The following RASGRP3 variants were observed in gnomAD, a reference collection of about 807,000 sequenced individuals.
RASGRP3 encodes the protein ras guanyl-releasing protein 3.
In RASGRP3, 54 loss-of-function variants were observed where a neutral mutation model predicts 82.7. The ratio of observed to expected loss-of-function variants is 0.65; its 90% CI spans 0.52 to 0.82. The LOEUF (loss-of-function observed/expected upper bound fraction) is 0.82, where lower values mean the gene tolerates loss of function less well. Among genes scored for constraint, RASGRP3 ranks in the 40% least tolerant of loss-of-function variants. The pLI, the probability that RASGRP3 is intolerant of heterozygous loss-of-function variation, is 0.00. For synonymous variants in RASGRP3, 309 were observed against 300.5 expected, an observed-to-expected ratio of 1.03 and a Z score of -0.29; for missense variants, 861 against 828.9, an observed-to-expected ratio of 1.04 and a Z score of -0.48.
Position 33,477,612 on chromosome 2 carries a change from G to A in RASGRP3, c.-261+905G>A, listed in dbSNP as rs2367735. On this transcript the variant is annotated intron_variant, in intron 1 of 17. Coordinates refer to ENST00000403687, the MANE Select transcript of RASGRP3 (RefSeq NM_001139488.2). ...TTCATTCAGCAGTAATGGTGCTTGC[G>A]CTTGGGCGAGCAGCAAAGCAGGCAC... 9.1e-3 allele frequency among the ~76,000 whole-genome samples: 1,380 copies of A among 152,138 alleles called. 22 individuals are homozygous for A. The highest frequency in any genetic ancestry group is 0.031 in the African/African-American group (1,302 of 41,504).
At chr2:33,523,445 T>A (rs1364464329) in intron 7 of RASGRP3, among the ~76,000 whole-genome samples, 1 of 142,600 alleles carries the variant, frequency 7.0e-6, no homozygotes, top group East Asian at 2.0e-4. Context: ...AGCCTGGCAA[T>A]AGAGCGACAG....
chr2:33,493,237 G>A (rs1669012747), intron 1 of RASGRP3: 1 of 152,226 alleles, frequency 6.6e-6, no homozygotes, highest in Non-Finnish European at 1.5e-5. Flanking sequence ...AATGTGGGAA[G>A]CATTTGCTCC....
chr2:33,452,158 C>A (rs1055071645), intron 2 of RASGRP3, among the ~76,000 whole-genome samples: 1 of 152,066 alleles, frequency 6.6e-6, no homozygotes, highest in Non-Finnish European at 1.5e-5. Flanking sequence ...TATCTGTATT[C>A]TCTTATAGCT....
Position 33,465,758 on chromosome 2 carries a change from G to A in RASGRP3, c.-261+17815G>A, listed in dbSNP as rs76219465. On this transcript the variant is annotated intron_variant, in intron 2 of 18. Transcript: ENST00000402538. ...TCTGGCTTCAAAGCATGAAAGGACAGGCTGACTCTTGTTAGGGGCTAATGC... is the reference window on the plus strand; with the variant it reads ...TCTGGCTTCAAAGCATGAAAGGACAAGCTGACTCTTGTTAGGGGCTAATGC... Among the ~76,000 whole-genome samples the A allele has an allele frequency of 6.7e-3, 1,014 of 152,320 alleles. 11 individuals are homozygous for A. Among genetic ancestry groups the A allele is most frequent in the Middle Eastern group, 0.024 (7 of 294 alleles).
chr2:33,545,037 T>C (rs925013683), intron 13 of RASGRP3, among the ~76,000 whole-genome samples: 14 of 152,214 alleles, frequency 9.2e-5, no homozygotes, highest in Non-Finnish European at 1.5e-4. Context: ...ACCCACTTCT[T>C]TGCTTAGTTT....
rs147832991 is a variant in RASGRP3, at chr2:33,521,486, A to G, written c.369-469A>G. Among the ~76,000 whole-genome samples the G allele has an allele frequency of 8.4e-3, 1,276 of 152,360 alleles. 79 individuals are homozygous for G. Among genetic ancestry groups the G allele is most frequent in the Admixed American group, 0.077 (1,181 of 15,304 alleles). On this transcript the variant is annotated intron_variant, in intron 6 of 17. Transcript: ENST00000403687. ...TATAAGGGATGTTTGGTGAAAATAC[A>G]TATTATTCAGGATCATTCCTAATAA...
At chr2:33,499,985 G>C (rs2150977578) in intron 1 of RASGRP3, among the ~76,000 whole-genome samples, 1 of 152,304 alleles carries the variant, frequency 6.6e-6, no homozygotes, top group Non-Finnish European at 1.5e-5. Flanking sequence ...AAAGCTAAAG[G>C]AAGTCAGTAC....
intron 14 of RASGRP3, among the ~76,000 whole-genome samples, chr2:33,554,170 C>G (rs575013692): frequency 6.6e-6 from 1 of 152,212 alleles, no homozygotes. Flanking sequence ...TCTTGAGTCA[C>G]TTCACATTGG....
intron 11 of RASGRP3, among the ~76,000 whole-genome samples, chr2:33,536,147 C>T (rs1345913391): frequency 6.6e-6 from 1 of 151,580 alleles, no homozygotes; most frequent in Non-Finnish European, 1.5e-5. Flanking sequence ...ACTAAAAATA[C>T]AAAAATTAGC....
At chr2:33,472,744 C>T (rs1022834283), upstream of RASGRP3, among the ~76,000 whole-genome samples, 1 of 151,008 alleles carries the variant, frequency 6.6e-6, no homozygotes, top group African/African-American at 2.4e-5. Flanking sequence ...ATCACGAGGT[C>T]AGGTGTTCGG....
chr2:33,538,340 T>TA (rs1673862326), intron 11 of RASGRP3, among the ~76,000 whole-genome samples: 2 of 151,914 alleles, frequency 1.3e-5, no homozygotes, highest in Admixed American at 6.6e-5. Flanking sequence ...CCGTCTCTAC[T>TA]AAAATTACAA....
At position 33,540,422 on chromosome 2, in the gene RASGRP3, G is replaced by C. The variant is rs1052570774; in HGVS notation, c.1278+1212G>C. 1.4e-5 allele frequency among the ~76,000 whole-genome samples: 2 copies of C among 146,180 alleles called. 1 individual carries two copies. Among genetic ancestry groups the C allele is most frequent in the Non-Finnish European group, 3.1e-5 (2 of 65,168 alleles). ...GGTCCCCAGGGAATGCAAGGACTGA[G>C]CTGCAGCTCAGGAATGTCTGAAGCC... On this transcript the variant is annotated intron_variant, in intron 12 of 17. Transcript: ENST00000403687.
chr2:33,504,176 C>A (rs1355798642), intron 1 of RASGRP3, among the ~76,000 whole-genome samples: 1 of 152,152 alleles, frequency 6.6e-6, no homozygotes, highest in Non-Finnish European at 1.5e-5. Flanking sequence ...TTCCAACCAC[C>A]TTACTGTCTG....
At chr2:33,438,367 A>G (rs970138375) in intron 1 of RASGRP3, among the ~76,000 whole-genome samples, 2 of 152,150 alleles carry the variant, frequency 1.3e-5, no homozygotes, top group African/African-American at 4.8e-5. Flanking sequence ...GTTTGAGATC[A>G]GCCTAGCTAA....
intron 1 of RASGRP3, among the ~76,000 whole-genome samples, chr2:33,496,051 G>C (rs1202418713): frequency 6.6e-6 from 1 of 152,138 alleles, no homozygotes; most frequent in East Asian, 1.9e-4. Context: ...CAAAATTTTT[G>C]AAACTTTGTA....
intron 2 of RASGRP3, among the ~76,000 whole-genome samples, chr2:33,457,052 A>C (rs1240671200): frequency 2.0e-5 from 3 of 151,556 alleles, no homozygotes; most frequent in African/African-American, 7.3e-5. Flanking sequence ...ACAGGTGTGG[A>C]TAGAGATGGG....
At chr2:33,482,562 G>A (rs1174951863) in intron 1 of RASGRP3, 5 of 152,202 alleles carry the variant, frequency 3.3e-5, no homozygotes, top group African/African-American at 1.2e-4. Context: ...TGGAGGTATA[G>A]TGCATTCTAA....
At chr2:33,468,343 G>A (rs1364253759) in intron 2 of RASGRP3, among the ~76,000 whole-genome samples, 1 of 151,594 alleles carries the variant, frequency 6.6e-6, no homozygotes, top group Non-Finnish European at 1.5e-5. Context: ...ATAAACTTTT[G>A]TAACTTTTAT....
At chr2:33,457,347 G>GT (rs1167921060) in intron 2 of RASGRP3, among the ~76,000 whole-genome samples, 5 of 151,716 alleles carry the variant, frequency 3.3e-5, no homozygotes, top group Admixed American at 3.3e-4. Flanking sequence ...TATGTTTATG[G>GT]TTTGTTGTCA....
Sources: allele counts gnomAD v4.1 joint callset (sites outside exome capture counted in the v4.1 genomes callset), GRCh38; gene constraint gnomAD v4.1.1; transcripts MANE v1.5; gene names NCBI Gene and HGNC (gene_info 2026-07-23, HGNC 2026-07-21).